Variants in DYSF observed in about 807,000 individuals in gnomAD.
The protein encoded by DYSF is dysferlin.
In DYSF, 212 loss-of-function variants were observed where a neutral mutation model predicts 274.9. The ratio of observed to expected loss-of-function variants is 0.77; its 90% CI spans 0.69 to 0.86. The LOEUF (loss-of-function observed/expected upper bound fraction) is 0.86, where lower values mean the gene tolerates loss of function less well. Ranked by LOEUF, DYSF falls within the 40% of genes least tolerant of loss-of-function variation. The pLI is 0.00. For missense variants in DYSF, 2,666 were observed against 2,783.2 expected (o/e 0.96, Z 0.95); for synonymous variants, 1,091 against 1,078.7 (o/e 1.01, Z -0.22).
chr2:71,565,348 C>T (rs1446712539), intron 24 of DYSF, among the ~76,000 whole-genome samples: 2 of 151,782 alleles, frequency 1.3e-5, no homozygotes, highest in East Asian at 3.9e-4. Flanking sequence ...GCCTTGGCCT[C>T]CCAAAGTGCT....
rs114031325 is a variant in DYSF at position 71,524,486 on chromosome 2, C to T, written c.1150-1734C>T. On this transcript the variant is annotated intron_variant, in intron 12 of 55. Coordinates refer to ENST00000410020, the MANE Select transcript of DYSF (RefSeq NM_001130987.2). ...TAAACGCAGAACACATCCCTTTGGG[C>T]ATGCTGTGATATGGGCATTCTGGGA... Among the ~76,000 whole-genome samples the T allele has an allele frequency of 5.2e-3, 791 of 152,260 alleles. 6 individuals carry two copies. The highest frequency in any genetic ancestry group is 0.018 in the African/African-American group (750 of 41,544).
intron 1 of DYSF, among the ~76,000 whole-genome samples, chr2:71,455,494 A>G (rs1415705089): frequency 2.6e-5 from 4 of 152,158 alleles, no homozygotes; most frequent in Non-Finnish European, 5.9e-5. Context: ...AGCTTTATCC[A>G]GGTGTTTCCA....
intron 1 of DYSF, among the ~76,000 whole-genome samples, chr2:71,470,321 G>A (rs1224808396): frequency 2.0e-5 from 3 of 152,162 alleles, no homozygotes; most frequent in Admixed American, 6.5e-5. Context: ...GGGAAAGTGG[G>A]CTGAAGGCCC....
intron 30 of DYSF, among the ~76,000 whole-genome samples, chr2:71,587,455 A>G (rs1284546475): frequency 6.6e-6 from 1 of 152,200 alleles, no homozygotes; most frequent in Admixed American, 6.5e-5. Flanking sequence ...AGTGATGTGA[A>G]CACCACTCCC....
At chr2:71,580,128 G>GGT (rs535895213) in intron 30 of DYSF, among the ~76,000 whole-genome samples, 227 of 152,340 alleles carry the variant, frequency 1.5e-3, no homozygotes, top group Middle Eastern at 3.4e-3. Flanking sequence ...GGGGTCCCAG[G>GGT]GTGGGAGGAT....
intron 30 of DYSF, among the ~76,000 whole-genome samples, chr2:71,588,283 G>A (rs2093140871): frequency 6.6e-6 from 1 of 152,184 alleles, no homozygotes; most frequent in South Asian, 2.1e-4. Context: ...AGGCCGAGGA[G>A]CTGCATAGTG....
chr2:71,618,694 T>A (rs2094012123), intron 40 of DYSF, among the ~76,000 whole-genome samples: 1 of 147,406 alleles, frequency 6.8e-6, no homozygotes. Flanking sequence ...TGAGTGTGTG[T>A]GCGTGGTAGA....
Position 71,600,851 on chromosome 2 carries a change from G to T in DYSF, c.3897+9G>T. 1 of 1,608,738 alleles carries T rather than the reference G, an allele frequency of 6.2e-7. No individual in the cohort carries two copies. Among genetic ancestry groups the T allele is most frequent in the Non-Finnish European group, 8.5e-7 (1 of 1,179,912 alleles). ...TCATCCAGAGAGAGAAGGTGAGGCTGGTCTATATCCAGATCCAGGAGGCCC... is the reference window on the plus strand; with the variant it reads ...TCATCCAGAGAGAGAAGGTGAGGCTTGTCTATATCCAGATCCAGGAGGCCC... On this transcript the variant is annotated intron_variant, in intron 34 of 55. Coordinates refer to ENST00000410020, the MANE Select transcript of DYSF (RefSeq NM_001130987.2).
intron 10 of DYSF, among the ~76,000 whole-genome samples, chr2:71,518,495 G>T (rs1027257073): frequency 6.7e-6 from 1 of 149,374 alleles, no homozygotes; most frequent in African/African-American, 2.5e-5. Context: ...TTGAACTCCT[G>T]ACCTTGTGAT....
intron 3 of DYSF, among the ~76,000 whole-genome samples, chr2:71,484,204 C>G (rs937230514): frequency 2.6e-5 from 4 of 151,858 alleles, no homozygotes; most frequent in African/African-American, 9.7e-5. Context: ...AGGTGCCCAC[C>G]ACCACACCTG....
intron 41 of DYSF, among the ~76,000 whole-genome samples, chr2:71,631,844 C>T (rs183194512): frequency 7.2e-4 from 110 of 152,096 alleles, no homozygotes; most frequent in African/African-American, 2.5e-3. Flanking sequence ...CCTCCTCCCT[C>T]GCTGCACACT....
rs1558742026 is a variant in DYSF at position 71,656,140 on chromosome 2, CT to C, written c.4627-21del. 4 of 1,613,886 alleles carry C rather than the reference CT, an allele frequency of 2.5e-6. No homozygotes were observed. The South Asian group carries it at 4.4e-5, about 18-fold the overall frequency. ...CTTTCTTTCTGTCTCTTGTCCCCTC[CT>C]CTAATCCCCATGTGTGGCAGGTCTA... On this transcript the variant is annotated intron_variant, in intron 42 of 55. Transcript: ENST00000410020.
At chr2:71,460,010 TC>T (rs747598118) in intron 1 of DYSF, among the ~76,000 whole-genome samples, 124 of 151,902 alleles carry the variant, frequency 8.2e-4, no homozygotes, top group Middle Eastern at 3.4e-3. Flanking sequence ...TAGCCTGGGG[TC>T]CCGAGGAGCT....
intron 12 of DYSF, among the ~76,000 whole-genome samples, chr2:71,525,739 AT>A (rs2152747893): frequency 6.6e-6 from 1 of 152,288 alleles, no homozygotes; most frequent in Non-Finnish European, 1.5e-5. Flanking sequence ...CAGGGTGCTT[AT>A]TCATGTCATC....
intron 16 of DYSF, among the ~76,000 whole-genome samples, chr2:71,535,733 A>C (rs982609936): frequency 6.6e-6 from 1 of 152,038 alleles, no homozygotes; most frequent in Non-Finnish European, 1.5e-5. Context: ...TGGGATGAAA[A>C]AGTAGGGTCC....
rs149984224 is a variant in DYSF at position 71,555,598 on chromosome 2, G to A, written c.2110-367G>A. ...ATCTGGAAAGGAGAGAGGGTTCCAGGTGGGGAACCAGAGCAGGCTCGGAGA... is the reference window on the plus strand; with the variant it reads ...ATCTGGAAAGGAGAGAGGGTTCCAGATGGGGAACCAGAGCAGGCTCGGAGA... On this transcript the variant is annotated intron_variant, in intron 21 of 55. Transcript: ENST00000410020. Among the ~76,000 whole-genome samples the A allele has an allele frequency of 4.2e-3, 635 of 152,306 alleles. 4 individuals carry two copies. Among genetic ancestry groups the A allele is most frequent in the African/African-American group, 0.015 (605 of 41,560 alleles).
intron 48 of DYSF, among the ~76,000 whole-genome samples, chr2:71,668,124 C>G (rs1249487742): frequency 6.6e-6 from 1 of 152,026 alleles, no homozygotes; most frequent in Non-Finnish European, 1.5e-5. Flanking sequence ...AAGAGAAAGG[C>G]CAAAGTGAGC....
intron 17 of DYSF, among the ~76,000 whole-genome samples, chr2:71,550,651 C>T (rs1198603362): frequency 1.3e-5 from 2 of 152,054 alleles, no homozygotes; most frequent in Non-Finnish European, 2.9e-5. Context: ...GGGGGTGGGG[C>T]TGGGGAGGGG....
intron 43 of DYSF, among the ~76,000 whole-genome samples, chr2:71,656,804 G>A (rs1438889185): frequency 6.6e-6 from 1 of 152,078 alleles, no homozygotes; most frequent in Non-Finnish European, 1.5e-5. Context: ...GAGAAAGACT[G>A]GCCCCCATGA....
Sources: allele counts gnomAD v4.1 joint callset (sites outside exome capture counted in the v4.1 genomes callset), GRCh38; gene constraint gnomAD v4.1.1; transcripts MANE v1.5; gene names NCBI Gene and HGNC (gene_info 2026-07-23, HGNC 2026-07-21).